PDE1C: variants seen among roughly 807,000 people sequenced by gnomAD.
PDE1C encodes phosphodiesterase 1C, also known as dual specificity calcium/calmodulin-dependent 3',5'-cyclic nucleotide phosphodiesterase 1C.
In PDE1C, 62 loss-of-function variants were observed where a neutral mutation model predicts 93.1. The observed-to-expected ratio is 0.67, with a 90% confidence interval of 0.54 to 0.82. PDE1C has a LOEUF of 0.82. Among genes scored for constraint, PDE1C ranks in the 40% least tolerant of loss-of-function variants. PDE1C has a pLI of 0.00. For synonymous variants in PDE1C, 325 were observed against 310.1 expected, an observed-to-expected ratio of 1.05 and a Z score of -0.50; for missense variants, 742 against 884.6, an observed-to-expected ratio of 0.84 and a Z score of 2.04.
chr7:32,423,098 G>A (rs1008534080), intron 1 of PDE1C, among the ~76,000 whole-genome samples: 1 of 152,182 alleles, frequency 6.6e-6, no homozygotes, highest in African/African-American at 2.4e-5. Context: ...CTCAAGTCCA[G>A]GTGTGATGGC....
intron 2 of PDE1C, among the ~76,000 whole-genome samples, chr7:31,950,587 T>C (rs1433870168): frequency 6.6e-6 from 1 of 152,218 alleles, no homozygotes; most frequent in Non-Finnish European, 1.5e-5. Context: ...GTATGTTCTT[T>C]CTTGACTCCA....
At chr7:32,172,981 C>T (rs189135809) in intron 2 of PDE1C, among the ~76,000 whole-genome samples, 43 of 152,096 alleles carry the variant, frequency 2.8e-4, no homozygotes, top group Admixed American at 2.6e-3. Flanking sequence ...CAGAAATATA[C>T]CATTTGACCC....
At chr7:32,392,772 C>T (rs548221581) in intron 1 of PDE1C, among the ~76,000 whole-genome samples, 22 of 152,026 alleles carry the variant, frequency 1.4e-4, no homozygotes, top group African/African-American at 4.6e-4. Flanking sequence ...TATATATGGC[C>T]GAGCGTGGTG....
chr7:31,716,747 C>T, the PDE1C span, among the ~76,000 whole-genome samples: 9 of 151,804 alleles, frequency 5.9e-5, no homozygotes, highest in African/African-American at 1.7e-4. Flanking sequence ...GGATTGGCCA[C>T]AAAAAGGAAA....
chr7:32,126,530 A>C (rs1298805252), intron 3 of PDE1C, among the ~76,000 whole-genome samples: 1 of 152,172 alleles, frequency 6.6e-6, no homozygotes, highest in Non-Finnish European at 1.5e-5. Context: ...AAAAGTAAAT[A>C]ACACAGGATC....
At chr7:31,616,777 AAGG>A in the PDE1C span, among the ~76,000 whole-genome samples, 2 of 148,716 alleles carry the variant, frequency 1.3e-5, no homozygotes, top group African/African-American at 5.1e-5. Context: ...CAAAACCAAA[AAGG>A]TTTCTAAATT....
In PDE1C at chr7:31,809,280, T is replaced by C. The variant is rs182210502; in HGVS notation, c.1814-172A>G. On this transcript the variant is annotated intron_variant, in intron 15 of 17. Coordinates refer to ENST00000396191, the MANE Select transcript of PDE1C (RefSeq NM_001191057.4). ...ATCACGTTAGGTCCTGGAAATTGGA[T>C]TGTGATGCAGAAATTGAGGCTGAAA... 5.8e-4 allele frequency among the ~76,000 whole-genome samples: 89 copies of C among 152,140 alleles called. 1 individual carries two copies. The East Asian group carries it at 0.016, about 27-fold the overall frequency.
Position 31,815,919 on chromosome 7 carries a change from C to T in PDE1C, c.1813+5G>A. 1 of 1,591,380 alleles carries T rather than the reference C, an allele frequency of 6.3e-7. No homozygotes were observed. Among genetic ancestry groups the T allele is most frequent in the Non-Finnish European group, 8.6e-7 (1 of 1,159,304 alleles). The stretch of plus-strand genomic sequence containing the variant: ...AGAGCCCTTCACCAGTGTAAGTCTA[C>T]TCACCATTCTGTTGCTGTTCTCCTG... On this transcript the variant is annotated splice_donor_5th_base_variant and intron_variant, in intron 15 of 17. Transcript: ENST00000396191.
intron 12 of PDE1C, among the ~76,000 whole-genome samples, chr7:31,828,024 C>G (rs2191873): frequency 0.52 from 79,192 of 151,828 alleles, 22,982 homozygotes; most frequent in Non-Finnish European, 0.65. Flanking sequence ...CACTTGTTAT[C>G]TCCTTGGAAA....
At chr7:32,053,456 C>T (rs946561680) in intron 1 of PDE1C, among the ~76,000 whole-genome samples, 1 of 152,178 alleles carries the variant, frequency 6.6e-6, no homozygotes, top group Non-Finnish European at 1.5e-5. Flanking sequence ...GTGACCTGTG[C>T]CCTTGGACTC....
At chr7:32,338,999 T>A (rs55937651) in intron 1 of PDE1C, among the ~76,000 whole-genome samples, 5,624 of 137,004 alleles carry the variant, frequency 0.041, 205 homozygotes, top group South Asian at 0.21. Flanking sequence ...CTAGACTCCA[T>A]CTCAAAAAAA....
At chr7:31,722,344 T>C in the PDE1C span, among the ~76,000 whole-genome samples, 4 of 152,228 alleles carry the variant, frequency 2.6e-5, no homozygotes, top group Admixed American at 6.5e-5. Context: ...TATGTTCTCC[T>C]GATATAAAAT....
intron 2 of PDE1C, among the ~76,000 whole-genome samples, chr7:32,031,986 G>A (rs1181833867): frequency 6.6e-6 from 1 of 151,900 alleles, no homozygotes; most frequent in African/African-American, 2.4e-5. Flanking sequence ...CTAGATGCTT[G>A]GCCACCTGAC....
chr7:31,637,911 G>A, the PDE1C span, among the ~76,000 whole-genome samples: 6,772 of 152,178 alleles, frequency 0.045, 305 homozygotes, highest in Admixed American at 0.14. Flanking sequence ...ATTAATTTTT[G>A]TATAAGGTGT....
rs543960990 is a variant in PDE1C, at chr7:31,931,700, G to A, written c.129-50840C>T. ...ATAGATTCAATGCTATTCCCATTAA[G>A]CTAACATTGACTTTCTCCACAGAAC... On this transcript the variant is annotated intron_variant, in intron 2 of 17. Transcript: ENST00000396191. Among the ~76,000 whole-genome samples, 167 of 152,220 alleles carry A rather than the reference G, an allele frequency of 1.1e-3. 2 individuals carry two copies. The South Asian group carries it at 0.034, about 31-fold the overall frequency.
chr7:32,092,755 A>G (rs998365024), intron 3 of PDE1C, among the ~76,000 whole-genome samples: 5 of 152,220 alleles, frequency 3.3e-5, no homozygotes, highest in African/African-American at 1.2e-4. Flanking sequence ...CACAAAAACT[A>G]TAGTTTTGTA....
intron 1 of PDE1C, among the ~76,000 whole-genome samples, chr7:32,298,152 T>C (rs1340450172): frequency 1.3e-5 from 2 of 151,138 alleles, no homozygotes; most frequent in East Asian, 3.9e-4. Context: ...TGTCACTCTA[T>C]TAGTCTGTCT....
chr7:32,154,673 A>G lies in PDE1C; in HGVS notation c.308+15112T>C, dbSNP rs543839582. On this transcript the variant is annotated intron_variant, in intron 3 of 18. Coordinates refer to the PDE1C transcript ENST00000396193. ...GTGGTAAGTTACAGAGTCACGATGG[A>G]ATCTCAGCTTTGTCTGACTCCAAGC... 8.3e-4 allele frequency among the ~76,000 whole-genome samples: 127 copies of G among 152,316 alleles called. No homozygotes were observed. In the South Asian group the frequency reaches 0.025, roughly 30 times the overall value.
At chr7:31,689,812 C>G in the PDE1C span, among the ~76,000 whole-genome samples, 4 of 152,254 alleles carry the variant, frequency 2.6e-5, no homozygotes, top group South Asian at 8.3e-4. Flanking sequence ...TCTTCTAACC[C>G]CATGAGCAAA....
Sources: allele counts gnomAD v4.1 joint callset (sites outside exome capture counted in the v4.1 genomes callset), GRCh38; gene constraint gnomAD v4.1.1; transcripts MANE v1.5; gene names NCBI Gene and HGNC (gene_info 2026-07-23, HGNC 2026-07-21).